Variants in CDH4 observed in about 807,000 individuals in gnomAD.
CDH4 encodes cadherin 4.
Under a neutral mutation model 86.0 loss-of-function variants are expected in CDH4, and 33 were observed. The ratio of observed to expected loss-of-function variants is 0.38; its 90% CI spans 0.29 to 0.51. The LOEUF (loss-of-function observed/expected upper bound fraction) is 0.51. Ranked by LOEUF, CDH4 falls within the 20% of genes least tolerant of loss-of-function variation. The pLI is 0.86. For missense variants in CDH4, 1,114 were observed against 1,307.4 expected (o/e 0.85, Z 2.28); for synonymous variants, 555 against 549.4 (o/e 1.01, Z -0.14).
In CDH4 at chr20:61,709,606, C is replaced by T. The variant is rs562253404; in HGVS notation, c.170-33957C>T. On this transcript the variant is annotated intron_variant, in intron 2 of 15. Coordinates refer to ENST00000614565, the MANE Select transcript of CDH4 (RefSeq NM_001794.5). This position sits in a 1 kb window ranked among gnomAD's most constrained non-coding sequence, Gnocchi z 4.8. ...TGAATGACAATTTTTTTTTTTTTAT[C>T]GCTGGCTAATCACAGAGTGAGCAGA... Among the ~76,000 whole-genome samples the T allele has an allele frequency of 1.2e-4, 18 of 147,028 alleles. No homozygotes were observed. The highest frequency in any genetic ancestry group is 3.9e-4 in the East Asian group (2 of 5,124).
chr20:61,444,839 C>A (rs2085338921), intron 2 of CDH4, among the ~76,000 whole-genome samples: 1 of 147,378 alleles, frequency 6.8e-6, no homozygotes. Flanking sequence ...ACATCTGTGT[C>A]TGTGTGTATA....
At chr20:61,880,039 G>A (rs1445984198) in intron 7 of CDH4, among the ~76,000 whole-genome samples, 6 of 152,220 alleles carry the variant, frequency 3.9e-5, no homozygotes. Context: ...CCCGCCCGGT[G>A]CTGTCATCCA....
chr20:61,734,190 C>G (rs933348696), intron 2 of CDH4, among the ~76,000 whole-genome samples: 1 of 152,238 alleles, frequency 6.6e-6, no homozygotes, highest in Non-Finnish European at 1.5e-5. Flanking sequence ...ACGCGTGAGA[C>G]TGGGGGCTGG....
intron 2 of CDH4, among the ~76,000 whole-genome samples, chr20:61,322,453 A>T (rs2084514092): frequency 6.6e-6 from 1 of 152,054 alleles, no homozygotes; most frequent in Admixed American, 6.6e-5. Flanking sequence ...TCCTTCCCAG[A>T]CTGGCATGAA....
Position 61,334,705 on chromosome 20 carries a change from G to A in CDH4, c.169+79768G>A, listed in dbSNP as rs114613811. 6.4e-3 allele frequency among the ~76,000 whole-genome samples: 969 copies of A among 152,290 alleles called. 11 individuals are homozygous for A. The highest frequency in any genetic ancestry group is 0.022 in the African/African-American group (906 of 41,560). ...GCTGGGTTTCAACATATGGATTTGG[G>A]GGTGGGGGACATGAGCACCCACACC... On this transcript the variant is annotated intron_variant, in intron 2 of 15. Coordinates refer to ENST00000614565, the MANE Select transcript of CDH4 (RefSeq NM_001794.5).
chr20:61,823,299 A>G (rs200804816), intron 4 of CDH4, among the ~76,000 whole-genome samples: 1 of 86 alleles, frequency 0.012, no homozygotes, highest in Non-Finnish European at 0.02. Flanking sequence ...AATGGTGATG[A>G]TCATGGATAG....
intron 2 of CDH4, among the ~76,000 whole-genome samples, chr20:61,488,035 G>A (rs907144274): frequency 1.3e-5 from 2 of 152,210 alleles, no homozygotes; most frequent in Non-Finnish European, 2.9e-5. Context: ...TTCTGTGGGA[G>A]GAGAAGGGCA....
At chr20:61,935,991 C>T (rs544719265) in intron 15 of CDH4, among the ~76,000 whole-genome samples, 8 of 152,238 alleles carry the variant, frequency 5.3e-5, no homozygotes, top group African/African-American at 1.9e-4. Flanking sequence ...ACTGAGTACC[C>T]TCTCCCAGGG....
chr20:61,469,900 T>G (rs1468347309), intron 2 of CDH4, among the ~76,000 whole-genome samples: 1 of 152,196 alleles, frequency 6.6e-6, no homozygotes, highest in Non-Finnish European at 1.5e-5. Flanking sequence ...GGGTTATCTC[T>G]TCTGTTCCAT....
At chr20:61,921,588 C>T (rs1306403030) in intron 9 of CDH4, among the ~76,000 whole-genome samples, 2 of 152,124 alleles carry the variant, frequency 1.3e-5, no homozygotes, top group African/African-American at 4.8e-5. Flanking sequence ...CTCGTCTCTA[C>T]TAAAAATATA....
chr20:61,363,478 A>G (rs1568814768), intron 2 of CDH4, among the ~76,000 whole-genome samples: 1 of 150,758 alleles, frequency 6.6e-6, no homozygotes, highest in Non-Finnish European at 1.5e-5. Flanking sequence ...AAATGTTATA[A>G]AGAAGTCCTA....
At position 61,921,251 on chromosome 20, in the gene CDH4, C is replaced by T. The variant is rs72487376; in HGVS notation, c.1375-2200C>T. 0.041 allele frequency among the ~76,000 whole-genome samples: 5,196 copies of T among 126,130 alleles called. 563 individuals carry two copies. The East Asian group carries it at 0.45, about 11-fold the overall frequency. The allele number at this position is 126,130 out of a possible 152,430, so 82.7% of individuals were successfully genotyped here. A position where few individuals can be genotyped will look rare whatever the true frequency, so the allele number is the denominator to read the frequency against. ...GTAATTGCATGGAAGCATGGTGTCA[C>T]GGTGATTGCGTGGAAGCGTGGTGTC... On this transcript the variant is annotated intron_variant, in intron 9 of 15. Transcript: ENST00000614565.
In CDH4 at chr20:61,709,092, A is replaced by G. The variant is rs1295832369; in HGVS notation, c.170-34471A>G. Among the ~76,000 whole-genome samples the G allele has an allele frequency of 6.6e-6, 1 of 152,096 alleles. No individual in the cohort carries two copies. The highest frequency in any genetic ancestry group is 1.9e-4 in the East Asian group (1 of 5,168). ...TGTGGAGGACACTGGCTGAGTTCAC[A>G]TCACCCCAAAGCCTCGGGTCCCAGT... On this transcript the variant is annotated intron_variant, in intron 2 of 15. Transcript: ENST00000614565. This position sits in a 1 kb window ranked among gnomAD's most constrained non-coding sequence, Gnocchi z 4.8.
intron 2 of CDH4, among the ~76,000 whole-genome samples, chr20:61,531,237 C>T (rs2085949105): frequency 6.6e-6 from 1 of 152,002 alleles, no homozygotes; most frequent in African/African-American, 2.4e-5. Context: ...CTTGGGAGGC[C>T]GAGACAGGTG....
At chr20:61,789,370 T>C (rs921515377) in intron 4 of CDH4, among the ~76,000 whole-genome samples, 2 of 152,182 alleles carry the variant, frequency 1.3e-5, no homozygotes, top group African/African-American at 4.8e-5. Context: ...CATGGAGCCT[T>C]GGTGTCTGTT....
Position 61,544,453 on chromosome 20 carries a change from G to A in CDH4, c.170-199110G>A, listed in dbSNP as rs925115074. Among the ~76,000 whole-genome samples the A allele has an allele frequency of 7.2e-5, 11 of 151,906 alleles. No homozygotes were observed. Among genetic ancestry groups the A allele is most frequent in the Admixed American group, 3.9e-4 (6 of 15,274 alleles). On this transcript the variant is annotated intron_variant, in intron 2 of 15. Transcript: ENST00000614565. This position sits in a 1 kb window ranked among gnomAD's most constrained non-coding sequence, Gnocchi z 6.5. Reference sequence around the variant, plus strand: ...TTCGTAGCTGTTCTGTGGTGGGAGCGCAGTGGGAGCCGCAGGGCATCGGGG... The same window carrying A: ...TTCGTAGCTGTTCTGTGGTGGGAGCACAGTGGGAGCCGCAGGGCATCGGGG...
At chr20:61,500,888 C>G (rs548406780) in intron 2 of CDH4, among the ~76,000 whole-genome samples, 2 of 152,238 alleles carry the variant, frequency 1.3e-5, no homozygotes, top group Non-Finnish European at 2.9e-5. Context: ...CTCAGGCCCA[C>G]GCAGCCGCTC....
rs564173925 is a variant in CDH4, at chr20:61,716,765, T to C, written c.170-26798T>C. ...CTCTACTAAAAATACAAAAATTAGC[T>C]AGGTGTTTGGTGGGTGCCTGTAATC... On this transcript the variant is annotated intron_variant, in intron 2 of 15. Transcript: ENST00000614565. Among the ~76,000 whole-genome samples the C allele has an allele frequency of 3.3e-4, 50 of 152,074 alleles. 1 individual carries two copies. The highest frequency in any genetic ancestry group is 3.4e-3 in the Middle Eastern group (1 of 294).
In CDH4 at chr20:61,269,810, G is replaced by C. The variant is rs1192202495; in HGVS notation, c.169+14873G>C. On this transcript the variant is annotated intron_variant, in intron 2 of 15. Transcript: ENST00000614565. The surrounding 1 kb of genome is among the most constrained non-coding windows in gnomAD (Gnocchi z 5.3). ...AGGCTCCAGAGGCTCCCGGCGGGGA[G>C]ACTGTCAGATAGCAACTCCATGTTC... 2.6e-5 allele frequency among the ~76,000 whole-genome samples: 4 copies of C among 152,008 alleles called. No homozygotes were observed. The highest frequency in any genetic ancestry group is 5.9e-5 in the Non-Finnish European group (4 of 68,014).
Sources: allele counts gnomAD v4.1 joint callset (sites outside exome capture counted in the v4.1 genomes callset), GRCh38; gene constraint gnomAD v4.1.1; non-coding constraint Gnocchi (gnomAD v3.1); transcripts MANE v1.5; gene names NCBI Gene and HGNC (gene_info 2026-07-23, HGNC 2026-07-21).